SCNN1B: variants seen among roughly 807,000 people sequenced by gnomAD.
The protein encoded by SCNN1B is sodium channel epithelial 1 subunit beta.
A neutral mutation model predicts 65.3 loss-of-function variants in SCNN1B; 46 were observed. The ratio of observed to expected loss-of-function variants is 0.70; its 90% confidence interval spans 0.56 to 0.90. The LOEUF is 0.90. SCNN1B is among the 40% of genes least tolerant of loss of function. The pLI is 0.00. For synonymous variants in SCNN1B, 349 were observed against 330.6 expected (o/e 1.06, Z -0.60); for missense variants, 751 against 830.5 (o/e 0.90, Z 1.18).
intron 1 of SCNN1B, among the ~76,000 whole-genome samples, chr16:23,334,405 C>T (rs1052116707): frequency 1.2e-4 from 19 of 152,296 alleles, no homozygotes; most frequent in African/African-American, 4.3e-4. Context: ...TACATGCATA[C>T]TGTATGCACA....
intron 1 of SCNN1B, among the ~76,000 whole-genome samples, chr16:23,322,213 A>G (rs567997684): frequency 6.6e-6 from 1 of 152,306 alleles, no homozygotes; most frequent in African/African-American, 2.4e-5. Flanking sequence ...TTAAGTGCCT[A>G]CAGTGCCAGC....
chr16:23,381,017 G>C lies in SCNN1B; in HGVS notation c.*216G>C, dbSNP rs967090914. 1.6e-6 allele frequency: 1 copy of C among 629,180 alleles called. No individual in the cohort carries two copies. The highest frequency in any genetic ancestry group is 2.9e-6 in the Non-Finnish European group (1 of 350,154). The allele number at this position is 629,180 out of a possible 1,614,324, so 39.0% of individuals were successfully genotyped here. ...CTGGTACAGGATGCAGGAATAAATT[G>C]TATCTTCACCTGGTTCCTACCCTCG... On this transcript the variant is annotated 3_prime_UTR_variant, in exon 13 of 13. Coordinates refer to ENST00000343070, the MANE Select transcript of SCNN1B (RefSeq NM_000336.3).
chr16:23,343,635 GAAAGAAAGAAAGAAAA>G (rs1342551527), intron 1 of SCNN1B, among the ~76,000 whole-genome samples: 7 of 101,716 alleles, frequency 6.9e-5, no homozygotes, highest in Middle Eastern at 0.01. Context: ...AAGAAAGAAA[GAAAGAAAGAAAGAAAA>G]AAAGAAAGGA....
upstream of SCNN1B, among the ~76,000 whole-genome samples, chr16:23,297,424 G>A (rs1200093061): frequency 6.6e-6 from 1 of 152,222 alleles, no homozygotes; most frequent in Non-Finnish European, 1.5e-5. Context: ...GATACCCCAA[G>A]ATGGCTTAGC....
chr16:23,327,232 A>T (rs1031676155), intron 1 of SCNN1B, among the ~76,000 whole-genome samples: 1 of 151,976 alleles, frequency 6.6e-6, no homozygotes, highest in Non-Finnish European at 1.5e-5. Flanking sequence ...TAGTTTTTTT[A>T]AAAAAACAAA....
intron 2 of SCNN1B, among the ~76,000 whole-genome samples, chr16:23,350,064 C>G (rs932925722): frequency 3.9e-5 from 6 of 151,992 alleles, no homozygotes; most frequent in South Asian, 2.1e-4. Flanking sequence ...GGCAACAGAA[C>G]AAGATCCTGT....
At chr16:23,314,117 T>G (rs1961401880) in intron 1 of SCNN1B, among the ~76,000 whole-genome samples, 1 of 152,182 alleles carries the variant, frequency 6.6e-6, no homozygotes, top group Non-Finnish European at 1.5e-5. Flanking sequence ...CATCCCAGGC[T>G]GAAGCGATCC....
At chr16:23,355,162 G>A (rs1962391737) in intron 3 of SCNN1B, 137 bp from the exon 4 acceptor site, 12 of 804,844 alleles carry the variant, frequency 1.5e-5, no homozygotes, top group South Asian at 4.3e-5. Context: ...GAGTGTGAAC[G>A]TTTCCCACCA....
chr16:23,330,129 T>G (rs905537245), intron 1 of SCNN1B, among the ~76,000 whole-genome samples: 1 of 152,214 alleles, frequency 6.6e-6, no homozygotes, highest in African/African-American at 2.4e-5. Flanking sequence ...GCCCATGTTT[T>G]GCAGCTACCC....
At chr16:23,309,891 G>T (rs1004756167) in intron 1 of SCNN1B, among the ~76,000 whole-genome samples, 2 of 152,098 alleles carry the variant, frequency 1.3e-5, no homozygotes, top group African/African-American at 4.8e-5. Context: ...TGTGCCTGTG[G>T]GCCTTCTCTC....
chr16:23,278,644 T>A (rs910554396), intron 1 of SCNN1B, among the ~76,000 whole-genome samples: 4 of 152,090 alleles, frequency 2.6e-5, no homozygotes, highest in Non-Finnish European at 2.9e-5. Context: ...TTAGAGGTGA[T>A]GGTTGCATAA....
At chr16:23,294,398 A>G (rs1960966575) in intron 2 of SCNN1B, among the ~76,000 whole-genome samples, 1 of 151,838 alleles carries the variant, frequency 6.6e-6, no homozygotes, top group Non-Finnish European at 1.5e-5. Context: ...CCCTGTCTCA[A>G]AAAACAAACA....
At chr16:23,350,739 C>T (rs2142018173) in intron 2 of SCNN1B, among the ~76,000 whole-genome samples, 1 of 151,194 alleles carries the variant, frequency 6.6e-6, no homozygotes, top group East Asian at 2.0e-4. Context: ...ATGGTGAAAC[C>T]CCATCTCTAC....
intron 1 of SCNN1B, among the ~76,000 whole-genome samples, chr16:23,305,565 TATA>T (rs1961191565): frequency 1.8e-5 from 1 of 54,194 alleles, no homozygotes; most frequent in African/African-American, 9.6e-5. Context: ...TATATATATA[TATA>T]TATATATATT....
At chr16:23,353,808 G>A (rs1962362271) in intron 3 of SCNN1B, among the ~76,000 whole-genome samples, 2 of 152,236 alleles carry the variant, frequency 1.3e-5, no homozygotes, top group Admixed American at 1.3e-4. Context: ...CCCTGCACTG[G>A]GAGGCTGGTA....
At chr16:23,350,593 T>A (rs1210741776) in intron 2 of SCNN1B, among the ~76,000 whole-genome samples, 1 of 152,148 alleles carries the variant, frequency 6.6e-6, no homozygotes, top group Non-Finnish European at 1.5e-5. Context: ...AAAGAAGGGC[T>A]GAGTCACAGA....
At chr16:23,376,038 C>T (rs1372515095) in intron 8 of SCNN1B, among the ~76,000 whole-genome samples, 183 bp downstream of exon 8, 1 of 152,234 alleles carries the variant, frequency 6.6e-6, no homozygotes, top group African/African-American at 2.4e-5. Flanking sequence ...AGGAGCCCAG[C>T]CTTCTCTCTG....
chr16:23,369,956 G>A (rs561050582), intron 5 of SCNN1B, among the ~76,000 whole-genome samples: 2 of 152,186 alleles, frequency 1.3e-5, no homozygotes, highest in Admixed American at 6.6e-5. Flanking sequence ...TTTTGGAGAT[G>A]GAGTCTCACT....
At chr16:23,284,179 C>T (rs939341433) in intron 2 of SCNN1B, among the ~76,000 whole-genome samples, 3 of 152,132 alleles carry the variant, frequency 2.0e-5, no homozygotes, top group African/African-American at 2.4e-5. Flanking sequence ...CTGAGGTGGG[C>T]GGATCACCTG....
Sources: gnomAD v4.1 joint callset for allele counts (sites outside exome capture counted in the v4.1 genomes callset) on GRCh38, gnomAD v4.1.1 for gene constraint, MANE v1.5 for transcripts, NCBI Gene and HGNC (gene_info 2026-07-23, HGNC 2026-07-21) for gene names.